Variants in TRIM3 observed in about 807,000 individuals in gnomAD.
The protein encoded by TRIM3 is tripartite motif containing 3.
Under a neutral mutation model 66.6 loss-of-function variants are expected in TRIM3, and 13 were observed. That is an observed-to-expected ratio of 0.20 (90% confidence interval 0.13 to 0.31). The LOEUF (loss-of-function observed/expected upper bound fraction) is 0.31, where lower values mean the gene tolerates loss of function less well. Among genes scored for constraint, TRIM3 ranks in the 10% least tolerant of loss-of-function variants. The pLI is 1.00. For synonymous variants in TRIM3, 406 were observed against 411.7 expected (o/e 0.99, Z 0.17); for missense variants, 711 against 1,020.4 (o/e 0.70, Z 4.13).
At chr11:6,461,210 T>G (rs767805640) in intron 2 of TRIM3, among the ~76,000 whole-genome samples, 39 of 152,126 alleles carry the variant, frequency 2.6e-4, no homozygotes, top group Admixed American at 1.8e-3. Context: ...CCAGTGTAAC[T>G]TATTTAATTG....
chr11:6,456,741 C>T lies in TRIM3; in HGVS notation c.985G>A (p.Gly329Arg). The change falls in exon 6 of 12, where the codon GGA (glycine) becomes AGA (arginine). Residue 329 changes from glycine (G) to arginine (R), a missense_variant. Gly to Arg is a moderately radical substitution (Grantham distance 125). Transcript: ENST00000345851. The surrounding 1 kb of genome is among the most constrained non-coding windows in gnomAD (Gnocchi z 6.4). Reference protein sequence around the residue: ...SATAHETVATGEGLRQALVGQ... With the variant: ...SATAHETVATREGLRQALVGQ... ...ACTAGCGCCTGGCGCAGGCCCTCTCCCGTGGCCACCGTTTCGTGTGCAGTG... is the reference window on the plus strand; with the variant it reads ...ACTAGCGCCTGGCGCAGGCCCTCTCTCGTGGCCACCGTTTCGTGTGCAGTG... The T allele has an allele frequency of 6.2e-7, 1 of 1,610,882 alleles. No homozygotes were observed. Among genetic ancestry groups the T allele is most frequent in the African/African-American group, 1.3e-5 (1 of 75,064 alleles).
intron 7 of TRIM3, chr11:6,452,428 A>C (rs1434608875): frequency 6.6e-6 from 1 of 152,272 alleles, no homozygotes; most frequent in African/African-American, 2.4e-5. Context: ...AACGAGAGCC[A>C]GGAGCAGCCT....
chr11:6,465,706 G>T lies in TRIM3; in HGVS notation c.-11C>A. ...CTCCCTCTTTGCCATGGCGCCCACA[G>T]ATGGCTCCCGCCACTCACACCAGCC... On this transcript the variant is annotated 5_prime_UTR_variant, in exon 2 of 12. It adds an upstream start codon to the 5' untranslated region. Transcript: ENST00000345851. 6.2e-7 allele frequency: 1 copy of T among 1,609,264 alleles called. No individual in the cohort carries two copies. Among genetic ancestry groups the T allele is most frequent in the Non-Finnish European group, 8.5e-7 (1 of 1,177,508 alleles).
In TRIM3 at chr11:6,465,650, C is replaced by G; in HGVS notation, c.46G>C (p.Asp16His). 6.2e-7 allele frequency: 1 copy of G among 1,614,174 alleles called. No individual in the cohort carries two copies. Among genetic ancestry groups the G allele is most frequent in the Non-Finnish European group, 8.5e-7 (1 of 1,180,014 alleles). ...ATGCTGCATACCAGGAACTGCTTGT[C>G]CATTGGCTGGACCTCTGGGCCAGGG... is the stretch of plus-strand genomic sequence containing the variant. ...DSPGPEVQPM[D>H]KQFLVCSICL... is the part of the protein sequence containing the mutation. Residue 16 changes from aspartate (D) to histidine (H), a missense_variant, in exon 2 of 12, where the codon GAC becomes CAC. This residue lies in a region of TRIM3 where 149 missense variants were observed against 240.3 expected (regional missense o/e 0.62). Coordinates refer to ENST00000345851, the MANE Select transcript of TRIM3 (RefSeq NM_033278.4).
chr11:6,465,419 G>T, intron 2 of TRIM3, 146 bp downstream of exon 2: 1 of 902,858 alleles, frequency 1.1e-6, no homozygotes, highest in Non-Finnish European at 1.7e-6. Flanking sequence ...CCTGCAGGTT[G>T]GGGTTCACCT....
intron 7 of TRIM3, chr11:6,451,973 G>A (rs183454862): frequency 6.5e-6 from 1 of 154,838 alleles, no homozygotes; most frequent in Admixed American, 6.4e-5. Context: ...GTAGGGAGAA[G>A]TCAAGACTAC....
At chr11:6,459,403 T>C (rs1850125571) in intron 2 of TRIM3, among the ~76,000 whole-genome samples, 1 of 152,078 alleles carries the variant, frequency 6.6e-6, no homozygotes, top group African/African-American at 2.4e-5. Context: ...GGGGAGTGAA[T>C]TTAAAGGGAA....
At chr11:6,466,704 G>A (rs562710689) in intron 1 of TRIM3, among the ~76,000 whole-genome samples, 2 of 150,116 alleles carry the variant, frequency 1.3e-5, no homozygotes, top group East Asian at 3.9e-4. Flanking sequence ...CCCTTTTCCT[G>A]GCTGATGTGA....
chr11:6,458,566 T>C lies in TRIM3; in HGVS notation c.132-270A>G, dbSNP rs1200389052. On this transcript the variant is annotated intron_variant, in intron 2 of 11. Transcript: ENST00000345851. This position sits in a 1 kb window ranked among gnomAD's most constrained non-coding sequence, Gnocchi z 6.2. ...CACAGGCTCACCTTTCACAGGTGTT[T>C]ACAAATGCTTCTCATAGGAATGTGC... 6.6e-6 allele frequency among the ~76,000 whole-genome samples: 1 copy of C among 152,188 alleles called. No homozygotes were observed. Among genetic ancestry groups the C allele is most frequent in the African/African-American group, 2.4e-5 (1 of 41,446 alleles).
intron 2 of TRIM3, among the ~76,000 whole-genome samples, chr11:6,459,461 T>A (rs1418889797): frequency 6.6e-6 from 1 of 152,244 alleles, no homozygotes; most frequent in Non-Finnish European, 1.5e-5. Flanking sequence ...CATCACCAGC[T>A]AGTTACCATT....
chr11:6,451,323 G>A lies in TRIM3; in HGVS notation c.1649C>T (p.Ala550Val). ...GCTGACCCAACGGTTGTCATAGTCT[G>A]CCACAATTATGTCTCCATTGGTGTC... ...AVDTNGDIIV[A>V]DYDNRWVSIF... The change falls in exon 8 of 12, where the codon GCA (alanine) becomes GTA (valine). Residue 550 changes from alanine to valine, a missense_variant. Physicochemically the swap from Ala to Val is moderately conservative, Grantham distance 64. Around this residue, in one of 3 missense-constraint regions of TRIM3, gnomAD observed 163 missense variants for 321.9 expected, o/e 0.51. Coordinates refer to ENST00000345851, the MANE Select transcript of TRIM3 (RefSeq NM_033278.4). 1 of 1,614,194 alleles carries A rather than the reference G, an allele frequency of 6.2e-7. No individual in the cohort carries two copies. The highest frequency in any genetic ancestry group is 8.5e-7 in the Non-Finnish European group (1 of 1,180,038).
rs189329074 is a variant in TRIM3, at chr11:6,465,554, C to T, written c.131+11G>A. 259 of 1,614,122 alleles carry T rather than the reference C, an allele frequency of 1.6e-4. 1 individual carries two copies. In the African/African-American group the frequency reaches 2.9e-3, roughly 18 times the overall value. On this transcript the variant is annotated intron_variant, in intron 2 of 11. Coordinates refer to ENST00000345851, the MANE Select transcript of TRIM3 (RefSeq NM_033278.4). The stretch of plus-strand genomic sequence containing the variant: ...GGTCCTCATCCCTCCCCAGTACACA[C>T]ATCCCCTCACCTCTCACAGAAGGTG...
At chr11:6,464,986 CAAAA>C (rs544959608) in intron 2 of TRIM3, among the ~76,000 whole-genome samples, 3 of 54,174 alleles carry the variant, frequency 5.5e-5, no homozygotes, top group African/African-American at 7.3e-5. Context: ...GACTCCATCT[CAAAA>C]AAAAAAAAAA....
intron 2 of TRIM3, among the ~76,000 whole-genome samples, chr11:6,464,724 C>A (rs555339946): frequency 1.3e-5 from 2 of 152,082 alleles, no homozygotes; most frequent in African/African-American, 4.8e-5. Flanking sequence ...CGGTAGCTCA[C>A]GCCTGTAATC....
chr11:6,454,288 G>T (rs532221340), intron 7 of TRIM3, among the ~76,000 whole-genome samples: 1 of 152,054 alleles, frequency 6.6e-6, no homozygotes, highest in Non-Finnish European at 1.5e-5. Flanking sequence ...CTACTCGGGA[G>T]GCTGAAGTAG....
At chr11:6,451,540 A>G in intron 7 of TRIM3, 102 bp from the exon 8 acceptor site, 1 of 1,296,134 alleles carries the variant, frequency 7.7e-7, no homozygotes, top group Middle Eastern at 2.1e-4. Context: ...CCCCACCACC[A>G]TTTATTCAGT....
At chr11:6,472,826 C>G (rs1393108871) in intron 1 of TRIM3, among the ~76,000 whole-genome samples, 1 of 152,228 alleles carries the variant, frequency 6.6e-6, no homozygotes, top group Non-Finnish European at 1.5e-5. Flanking sequence ...TGGAGGCATA[C>G]AAGCCCAAGG....
intron 7 of TRIM3, among the ~76,000 whole-genome samples, chr11:6,454,953 G>A (rs999911109): frequency 1.3e-5 from 2 of 152,106 alleles, no homozygotes; most frequent in South Asian, 4.1e-4. Flanking sequence ...GAAGTAAAGT[G>A]CATGGTAGTT....
At chr11:6,473,416 C>G (rs565751057) in intron 1 of TRIM3, among the ~76,000 whole-genome samples, 6 of 151,618 alleles carry the variant, frequency 4.0e-5, no homozygotes, top group African/African-American at 1.5e-4. Context: ...GTGTCTGCAC[C>G]AGGGAGAAAA....
Sources: gnomAD v4.1 joint callset for allele counts (sites outside exome capture counted in the v4.1 genomes callset) on GRCh38, gnomAD v4.1.1 for gene constraint, gnomAD v4.1.1 regional missense constraint, Gnocchi (gnomAD v3.1) non-coding constraint, MANE v1.5 for transcripts, NCBI Gene and HGNC (gene_info 2026-07-23, HGNC 2026-07-21) for gene names.